FAM117B: variants seen among roughly 807,000 people sequenced by gnomAD.
The protein encoded by FAM117B is protein FAM117B.
A neutral mutation model predicts 52.8 loss-of-function variants in FAM117B; 22 were observed. The observed-to-expected ratio is 0.42, with a 90% CI of 0.30 to 0.59. The LOEUF (loss-of-function observed/expected upper bound fraction) is 0.59, where lower values mean the gene tolerates loss of function less well. Among genes scored for constraint, FAM117B ranks in the 20% least tolerant of loss-of-function variants. The pLI, the probability that FAM117B is intolerant of heterozygous loss-of-function variation, is 0.22. For missense variants in FAM117B, 678 were observed against 802.6 expected, an observed-to-expected ratio of 0.84 and a Z score of 1.88; for synonymous variants, 309 against 324.1, an observed-to-expected ratio of 0.95 and a Z score of 0.50.
chr2:202,746,116 G>T (rs1331131731), intron 4 of FAM117B, among the ~76,000 whole-genome samples: 1 of 152,172 alleles, frequency 6.6e-6, no homozygotes, highest in Non-Finnish European at 1.5e-5. Context: ...GACATTTACA[G>T]AATTTTTCAT....
chr2:202,743,667 G>C (rs761956325), intron 4 of FAM117B, among the ~76,000 whole-genome samples: 1 of 152,114 alleles, frequency 6.6e-6, no homozygotes, highest in Non-Finnish European at 1.5e-5. Flanking sequence ...ATTTGAATGA[G>C]TAATTGAATA....
intron 4 of FAM117B, among the ~76,000 whole-genome samples, chr2:202,745,807 A>C (rs1026715077): frequency 6.6e-6 from 1 of 152,250 alleles, no homozygotes; most frequent in Non-Finnish European, 1.5e-5. Flanking sequence ...CTGTATTTGT[A>C]TAACACAAAA....
At chr2:202,705,300 T>TC (rs1194195942) in intron 2 of FAM117B, among the ~76,000 whole-genome samples, 1 of 149,688 alleles carries the variant, frequency 6.7e-6, no homozygotes, top group African/African-American at 2.5e-5. Flanking sequence ...GAGTGAAACT[T>TC]CATCTCAAAG....
chr2:202,754,096 G>A (rs1292414108), intron 4 of FAM117B, among the ~76,000 whole-genome samples: 2 of 152,074 alleles, frequency 1.3e-5, no homozygotes, highest in South Asian at 2.1e-4. Context: ...TTGCAGCACT[G>A]TTTACAATAG....
In FAM117B at chr2:202,657,082, A is replaced by T. The variant is rs959791555; in HGVS notation, c.601+21294A>T. ...TGTTGGCTCTTGTGTTTTTAATTTT[A>T]ATTTTATTTTATTTATTTTTTTTGA... is the stretch of plus-strand genomic sequence containing the variant. On this transcript the variant is annotated intron_variant, in intron 1 of 7. Transcript: ENST00000392238. 7.2e-5 allele frequency among the ~76,000 whole-genome samples: 11 copies of T among 151,942 alleles called. No individual in the cohort carries two copies. The South Asian group carries it at 2.3e-3, about 32-fold the overall frequency.
At chr2:202,757,113 G>A (rs1281600964) in intron 5 of FAM117B, 100 bp from the exon 6 acceptor site, 6 of 1,167,822 alleles carry the variant, frequency 5.1e-6, no homozygotes, top group Non-Finnish European at 7.2e-6. Flanking sequence ...TTTCTGATTT[G>A]TGAGTCTCTG....
At position 202,767,830 on chromosome 2, in the gene FAM117B, G is replaced by A. The variant is rs746611507; in HGVS notation, c.*2066G>A. 17 of 152,178 alleles carry A rather than the reference G, an allele frequency of 1.1e-4. No homozygotes were observed. The highest frequency in any genetic ancestry group is 2.2e-4 in the Non-Finnish European group (15 of 68,042). The allele number at this position is 152,178 out of a possible 1,614,324, so 9.4% of individuals were successfully genotyped here. ...GAATAAATCCGTCAGGTTTTAGATG[G>A]TGGGATTGATGAACTTTGGTACTTT... On this transcript the variant is annotated 3_prime_UTR_variant, in exon 8 of 8. Transcript: ENST00000392238.
chr2:202,653,750 A>G (rs1194856599), intron 1 of FAM117B, among the ~76,000 whole-genome samples: 1 of 152,078 alleles, frequency 6.6e-6, no homozygotes, highest in Non-Finnish European at 1.5e-5. Flanking sequence ...TGAATGTATT[A>G]TATCCTCTTG....
intron 1 of FAM117B, among the ~76,000 whole-genome samples, chr2:202,686,927 G>C (rs1183671471): frequency 6.6e-6 from 1 of 152,132 alleles, no homozygotes; most frequent in Non-Finnish European, 1.5e-5. Flanking sequence ...CATACACACA[G>C]ATTTATTTTA....
chr2:202,685,370 G>A (rs961554101), intron 1 of FAM117B, among the ~76,000 whole-genome samples: 3 of 152,100 alleles, frequency 2.0e-5, no homozygotes, highest in South Asian at 2.1e-4. Context: ...AGGACTAGAC[G>A]TCAACCTTCT....
rs1689762776 is a variant in FAM117B, at chr2:202,641,097, C to T, written c.601+5309C>T. The stretch of plus-strand genomic sequence containing the variant: ...AAAGATGTAAAACACACAAGGAATT[C>T]CAGAGACTCACAAACTAGCCATGTA... On this transcript the variant is annotated intron_variant, in intron 1 of 7. Transcript: ENST00000392238. Among the ~76,000 whole-genome samples, 3 of 152,130 alleles carry T rather than the reference C, an allele frequency of 2.0e-5. No individual in the cohort carries two copies. The South Asian group carries it at 6.2e-4, about 32-fold the overall frequency.
chr2:202,652,593 G>A (rs1689973470), intron 1 of FAM117B, among the ~76,000 whole-genome samples: 1 of 152,170 alleles, frequency 6.6e-6, no homozygotes, highest in South Asian at 2.1e-4. Context: ...AGCCTGATAT[G>A]GCCGTATGTG....
At chr2:202,669,552 C>T (rs568714402) in intron 1 of FAM117B, among the ~76,000 whole-genome samples, 1 of 152,044 alleles carries the variant, frequency 6.6e-6, no homozygotes, top group Non-Finnish European at 1.5e-5. Flanking sequence ...GGAAGTTACT[C>T]TGTTAACTGA....
intron 1 of FAM117B, among the ~76,000 whole-genome samples, chr2:202,662,296 A>G (rs1243714180): frequency 6.6e-6 from 1 of 152,204 alleles, no homozygotes; most frequent in Non-Finnish European, 1.5e-5. Context: ...CAGAAATACA[A>G]ACACCACATG....
intron 1 of FAM117B, among the ~76,000 whole-genome samples, chr2:202,686,042 CTTGCATCCAGAATACAT>C (rs2105772375): frequency 6.6e-6 from 1 of 152,334 alleles, no homozygotes; most frequent in South Asian, 2.1e-4. Context: ...TGACAGAGAA[CTTGCATCCAGAATACAT>C]AAATCCAATT....
intron 2 of FAM117B, among the ~76,000 whole-genome samples, chr2:202,713,976 G>A (rs916714815): frequency 2.0e-5 from 3 of 152,232 alleles, no homozygotes; most frequent in Non-Finnish European, 2.9e-5. Flanking sequence ...CCAAGTGCTA[G>A]GATTACAGGT....
intron 1 of FAM117B, among the ~76,000 whole-genome samples, chr2:202,695,495 T>C (rs556168088): frequency 3.3e-4 from 51 of 152,256 alleles, no homozygotes; most frequent in African/African-American, 1.2e-3. Flanking sequence ...CTCTCAATCG[T>C]TGGATTGACT....
At chr2:202,673,735 A>C (rs1446257457) in intron 1 of FAM117B, among the ~76,000 whole-genome samples, 1 of 151,926 alleles carries the variant, frequency 6.6e-6, no homozygotes, top group Non-Finnish European at 1.5e-5. Context: ...GGCGTGAGCC[A>C]CTGTGCCCGG....
At chr2:202,664,147 T>A (rs1191260630) in intron 1 of FAM117B, among the ~76,000 whole-genome samples, 1 of 152,236 alleles carries the variant, frequency 6.6e-6, no homozygotes, top group Non-Finnish European at 1.5e-5. Context: ...AATAACTAAT[T>A]ATCCCATGAT....
Sources: gnomAD v4.1 joint callset for allele counts (sites outside exome capture counted in the v4.1 genomes callset) on GRCh38, gnomAD v4.1.1 for gene constraint, MANE v1.5 for transcripts, NCBI Gene and HGNC (gene_info 2026-07-23, HGNC 2026-07-21) for gene names.